FAM3A: variants seen among roughly 807,000 people sequenced by gnomAD.
The protein encoded by FAM3A is FAM3 metabolism regulating signaling molecule A, also known as protein FAM3A.
FAM3A carries 5 observed loss-of-function variants against 18.1 expected under a neutral mutation model. That is an observed-to-expected ratio of 0.28 (90% CI 0.14 to 0.58). The LOEUF (loss-of-function observed/expected upper bound fraction) is 0.58. Ranked by LOEUF, FAM3A falls within the 20% of genes least tolerant of loss-of-function variation. FAM3A has a pLI of 0.91. For synonymous variants in FAM3A, 108 were observed against 90.2 expected (o/e 1.20, Z -1.12); for missense variants, 154 against 216.6 (o/e 0.71, Z 1.81).
At chrX:154,515,300 G>C (rs1284130972) in intron 1 of FAM3A, among the ~76,000 whole-genome samples, 5 of 111,778 alleles carry the variant, frequency 4.5e-5, no homozygotes, top group Middle Eastern at 4.6e-3. Context: ...TAGCAAGTCT[G>C]AAGTCCAATT....
Position 154,507,494 on chromosome X carries a change from G to C in FAM3A, c.386-4C>G, listed in dbSNP as rs782629989. On this transcript the variant is annotated splice_region_variant and splice_polypyrimidine_tract_variant and intron_variant, in intron 6 of 8. Coordinates refer to ENST00000447601, the MANE Select transcript of FAM3A (RefSeq NM_021806.4). Reference sequence around the variant, plus strand: ...AACTTCAACAGGTCGTTGACATCTGGGGGGGCAGGTGCCACGGAACAGGGG... The same window carrying C: ...AACTTCAACAGGTCGTTGACATCTGCGGGGGCAGGTGCCACGGAACAGGGG... The C allele has an allele frequency of 4.1e-6, 5 of 1,206,490 alleles. No homozygotes were observed. The African/African-American group carries it at 8.7e-5, about 21-fold the overall frequency.
In FAM3A at chrX:154,507,794, G is replaced by A. The variant is rs374600262; in HGVS notation, c.385+17C>T. ...TTTTGCTGCAGTCAAAATGCAAGAC[G>A]CTGCGCTGCAACTCACCTCCGGCCC... On this transcript the variant is annotated intron_variant, in intron 6 of 8. Transcript: ENST00000447601. The A allele has an allele frequency of 8.3e-4, 983 of 1,177,255 alleles. 6 individuals are homozygous for A. The African/African-American group carries it at 0.015, about 18-fold the overall frequency.
In FAM3A at chrX:154,516,204, G is replaced by A; in HGVS notation, c.-432C>T. The A allele has an allele frequency of 8.4e-6, 1 of 119,324 alleles. No individual in the cohort carries two copies. Among genetic ancestry groups the A allele is most frequent in the Non-Finnish European group, 1.7e-5 (1 of 57,216 alleles). The allele number at this position is 119,324 out of a possible 1,213,427, so 9.8% of individuals were successfully genotyped here. A position where few individuals can be genotyped will look rare whatever the true frequency, so the allele number is the denominator to read the frequency against. ...CCCCGGGAGAGGACGCAAGGCCGCTGCGCAGGGTGGCCAGGCAGGCCCGGC... is the reference window on the plus strand; with the variant it reads ...CCCCGGGAGAGGACGCAAGGCCGCTACGCAGGGTGGCCAGGCAGGCCCGGC... On this transcript the variant is annotated 5_prime_UTR_variant, in exon 1 of 9. Transcript: ENST00000447601.
intron 2 of FAM3A, chrX:154,512,387 C>T (rs782702599): frequency 9.6e-5 from 23 of 238,590 alleles, no homozygotes; most frequent in Middle Eastern, 5.5e-4. Flanking sequence ...TGCAGTGAAC[C>T]GAGATTGCAC....
intron 3 of FAM3A, 62 bp from the exon 4 acceptor site, chrX:154,508,659 G>A (rs782618696): frequency 8.8e-7 from 1 of 1,133,523 alleles, no homozygotes. Context: ...AGATCTGAAG[G>A]GGAGGTCAGG....
At position 154,516,005 on chromosome X, in the gene FAM3A, G is replaced by T; in HGVS notation, c.-233C>A. The T allele has an allele frequency of 2.3e-6, 1 of 425,897 alleles. No individual in the cohort carries two copies. Among genetic ancestry groups the T allele is most frequent in the Non-Finnish European group, 4.1e-6 (1 of 243,860 alleles). 35.1% of individuals were successfully genotyped at this position (425,897 alleles called of 1,213,427 possible). A position where few individuals can be genotyped will look rare whatever the true frequency, so the allele number is the denominator to read the frequency against. On this transcript the variant is annotated 5_prime_UTR_variant, in exon 1 of 9. Transcript: ENST00000447601. Reference sequence around the variant, plus strand: ...GGGCCTCAGGAACCCGTTGGCTCACGATCTTGCCCACAGGAGCCTCCGGGG... The same window carrying T: ...GGGCCTCAGGAACCCGTTGGCTCACTATCTTGCCCACAGGAGCCTCCGGGG...
chrX:154,511,752 T>C (rs1282368213), intron 3 of FAM3A, 96 bp downstream of exon 3: 9 of 852,377 alleles, frequency 1.1e-5, no homozygotes, highest in Non-Finnish European at 1.6e-5. Context: ...CACAGCTGGT[T>C]TGGGGAGGAA....
intron 5 of FAM3A, among the ~76,000 whole-genome samples, 191 bp from the exon 6 acceptor site, chrX:154,508,052 G>A (rs963721377): frequency 7.1e-5 from 8 of 112,866 alleles, no homozygotes; most frequent in Non-Finnish European, 9.4e-5. Flanking sequence ...GAGGCCCTCC[G>A]GGGGCTCTCC....
intron 1 of FAM3A, among the ~76,000 whole-genome samples, chrX:154,514,213 C>G (rs781988372): frequency 3.6e-5 from 4 of 111,737 alleles, no homozygotes; most frequent in Non-Finnish European, 7.5e-5. Context: ...CCATCTCAGG[C>G]TGCCTTCTGG....
Position 154,507,493 on chromosome X carries a change from G to C in FAM3A, c.386-3C>G. The C allele has an allele frequency of 8.3e-7, 1 of 1,205,987 alleles. No individual in the cohort carries two copies. The highest frequency in any genetic ancestry group is 1.1e-6 in the Non-Finnish European group (1 of 892,490). ...AAACTTCAACAGGTCGTTGACATCT[G>C]GGGGGGCAGGTGCCACGGAACAGGG... On this transcript the variant is annotated splice_region_variant and splice_polypyrimidine_tract_variant and intron_variant, in intron 6 of 8. Coordinates refer to ENST00000447601, the MANE Select transcript of FAM3A (RefSeq NM_021806.4).
At position 154,515,881 on chromosome X, in the gene FAM3A, C is replaced by T; in HGVS notation, c.-109G>A. On this transcript the variant is annotated 5_prime_UTR_variant, in exon 1 of 9. Coordinates refer to ENST00000447601, the MANE Select transcript of FAM3A (RefSeq NM_021806.4). ...GGGGCAAGCCTGTGCGGGACCCCTG[C>T]TGGGGGCGGGCGCGATCGGTGCTAC... The T allele has an allele frequency of 2.4e-6, 2 of 850,494 alleles. No homozygotes were observed. The highest frequency in any genetic ancestry group is 3.4e-6 in the Non-Finnish European group (2 of 581,453). The allele number at this position is 850,494 out of a possible 1,213,427, so 70.1% of individuals were successfully genotyped here.
Position 154,506,789 on chromosome X carries a change from C to T in FAM3A, c.*22G>A, listed in dbSNP as rs1557218490. 8.4e-7 allele frequency: 1 copy of T among 1,196,987 alleles called. No homozygotes were observed. Among genetic ancestry groups the T allele is most frequent in the Admixed American group, 2.2e-5 (1 of 46,090 alleles). On this transcript the variant is annotated 3_prime_UTR_variant, in exon 9 of 9. Coordinates refer to ENST00000447601, the MANE Select transcript of FAM3A (RefSeq NM_021806.4). ...CCTCCCTTGGTCTGGCCTCCCTCGG[C>T]CCGGTCCTGGCACTGGCCGTGCTAG... is the stretch of plus-strand genomic sequence containing the variant.
At chrX:154,512,760 C>T in intron 2 of FAM3A, 63 bp downstream of exon 2, 1 of 852,299 alleles carries the variant, frequency 1.2e-6, no homozygotes, top group Non-Finnish European at 1.7e-6. Context: ...GAGCCTCAAC[C>T]ACAGGCCCAG....
chrX:154,506,591 G>A lies in FAM3A; in HGVS notation c.*220C>T, dbSNP rs1053356452. 1 of 422,558 alleles carries A rather than the reference G, an allele frequency of 2.4e-6. No individual in the cohort carries two copies. Among genetic ancestry groups the A allele is most frequent in the African/African-American group, 2.5e-5 (1 of 40,669 alleles). The allele number at this position is 422,558 out of a possible 1,213,427, so 34.8% of individuals were successfully genotyped here. On this transcript the variant is annotated 3_prime_UTR_variant, in exon 9 of 9. Transcript: ENST00000447601. ...TTACGAAAAGGAGGCGGGTACCCTG[G>A]GCTCCCGTGACAAAGTGCGGCAGGG...
chrX:154,515,270 T>C lies in FAM3A; in HGVS notation c.13+490A>G, dbSNP rs781873175. On this transcript the variant is annotated intron_variant, in intron 1 of 8. Coordinates refer to ENST00000447601, the MANE Select transcript of FAM3A (RefSeq NM_021806.4). Reference sequence around the variant, plus strand: ...CTCAGTGGCCAGCTCCACCTGGATATGTCCACAAAGTTACCACCTTAGCAA... The same window carrying C: ...CTCAGTGGCCAGCTCCACCTGGATACGTCCACAAAGTTACCACCTTAGCAA... Among the ~76,000 whole-genome samples, 3 of 112,147 alleles carry C rather than the reference T, an allele frequency of 2.7e-5. No homozygotes were observed. The East Asian group carries it at 8.3e-4, about 31-fold the overall frequency.
intron 3 of FAM3A, 96 bp downstream of exon 3, chrX:154,511,752 T>A (rs1282368213): frequency 7.0e-6 from 6 of 854,023 alleles, no homozygotes; most frequent in Non-Finnish European, 1.0e-5. Flanking sequence ...CACAGCTGGT[T>A]TGGGGAGGAA....
At position 154,507,749 on chromosome X, in the gene FAM3A, A is replaced by G. The variant is rs1399083552; in HGVS notation, c.385+62T>C. On this transcript the variant is annotated intron_variant, in intron 6 of 8. Coordinates refer to ENST00000447601, the MANE Select transcript of FAM3A (RefSeq NM_021806.4). ...GTACAGACAGAGAGAGCAGTGTCTC[A>G]GGGGAAGCTGCCCAGGTCATTTTGC... 9.5e-6 allele frequency: 10 copies of G among 1,049,841 alleles called. No individual in the cohort carries two copies. The African/African-American group carries it at 1.9e-4, about 20-fold the overall frequency. The allele number at this position is 1,049,841 out of a possible 1,213,427, so 86.5% of individuals were successfully genotyped here. A position where few individuals can be genotyped will look rare whatever the true frequency, so the allele number is the denominator to read the frequency against.
At chrX:154,511,736 G>T in intron 3 of FAM3A, 112 bp downstream of exon 3, 1 of 723,580 alleles carries the variant, frequency 1.4e-6, no homozygotes, top group Non-Finnish European at 2.2e-6. Context: ...AGCCCCCGTG[G>T]ACCACCACAG....
chrX:154,514,085 C>A (rs1200372270), intron 1 of FAM3A, among the ~76,000 whole-genome samples: 40 of 110,611 alleles, frequency 3.6e-4, no homozygotes, highest in Non-Finnish European at 2.3e-4. Flanking sequence ...GCACTAACTT[C>A]TCTGCTGGCT....
Sources: allele counts gnomAD v4.1 joint callset (sites outside exome capture counted in the v4.1 genomes callset), GRCh38; gene constraint gnomAD v4.1.1; transcripts MANE v1.5; gene names NCBI Gene and HGNC (gene_info 2026-07-23, HGNC 2026-07-21).